Variants in KCNK13 observed in about 807,000 individuals in gnomAD.
KCNK13 encodes potassium two pore domain channel subfamily K member 13.
A neutral mutation model predicts 23.4 loss-of-function variants in KCNK13; 12 were observed. The observed-to-expected ratio is 0.51, with a 90% CI of 0.33 to 0.83. KCNK13 has a LOEUF of 0.83. Ranked by LOEUF, KCNK13 falls within the 40% of genes least tolerant of loss-of-function variation. The pLI is 0.02. For synonymous variants in KCNK13, 231 were observed against 229.5 expected, an observed-to-expected ratio of 1.01 and a Z score of -0.06; for missense variants, 463 against 556.3, an observed-to-expected ratio of 0.83 and a Z score of 1.69.
chr14:90,128,157 T>C (rs1171617061), intron 1 of KCNK13, among the ~76,000 whole-genome samples: 6 of 152,200 alleles, frequency 3.9e-5, no homozygotes, highest in Non-Finnish European at 7.3e-5. Flanking sequence ...TATCTCGTCT[T>C]TAACACTGGA....
intron 1 of KCNK13, among the ~76,000 whole-genome samples, chr14:90,069,005 T>G (rs1052260182): frequency 2.4e-4 from 36 of 150,884 alleles, no homozygotes; most frequent in African/African-American, 8.8e-4. Flanking sequence ...CGTATGTGAC[T>G]AGATTCTCAA....
intron 1 of KCNK13, among the ~76,000 whole-genome samples, chr14:90,168,438 T>G (rs1285782358): frequency 6.6e-6 from 1 of 152,050 alleles, no homozygotes; most frequent in Non-Finnish European, 1.5e-5. Context: ...TTGCTGGGTT[T>G]TGTTGGGGAA....
chr14:90,173,832 C>A (rs550859252), intron 1 of KCNK13, among the ~76,000 whole-genome samples: 13 of 152,286 alleles, frequency 8.5e-5, no homozygotes, highest in Middle Eastern at 3.4e-3. Context: ...CGTTTTCACA[C>A]TGCTATAAAG....
chr14:90,121,715 C>G (rs1223071843), intron 1 of KCNK13, among the ~76,000 whole-genome samples: 1 of 151,922 alleles, frequency 6.6e-6, no homozygotes. Context: ...TACCTTTGTG[C>G]TTTTTATTTT....
chr14:90,065,080 T>C (rs1012921105), intron 1 of KCNK13, among the ~76,000 whole-genome samples: 2 of 152,232 alleles, frequency 1.3e-5, no homozygotes, highest in East Asian at 3.8e-4. Flanking sequence ...CCACTGTTCA[T>C]GTTTTGGTCC....
intron 1 of KCNK13, among the ~76,000 whole-genome samples, chr14:90,082,067 T>C (rs542824407): frequency 6.6e-6 from 1 of 152,238 alleles, no homozygotes; most frequent in South Asian, 2.1e-4. Context: ...TAAATAAACC[T>C]GTTTTCTTTT....
intron 1 of KCNK13, among the ~76,000 whole-genome samples, chr14:90,092,136 A>G (rs1328574501): frequency 1.3e-5 from 2 of 151,954 alleles, no homozygotes; most frequent in South Asian, 2.1e-4. Flanking sequence ...GTTAGCCAGG[A>G]TGGTCTCCAT....
chr14:90,157,336 G>A (rs1422837223), intron 1 of KCNK13, among the ~76,000 whole-genome samples: 1 of 152,088 alleles, frequency 6.6e-6, no homozygotes, highest in African/African-American at 2.4e-5. Flanking sequence ...TCCCGTTAGA[G>A]TCATCCTGTC....
chr14:90,144,999 T>G (rs1003786946), intron 1 of KCNK13, among the ~76,000 whole-genome samples: 11 of 152,202 alleles, frequency 7.2e-5, no homozygotes, highest in African/African-American at 2.7e-4. Flanking sequence ...CTAAGAGTTA[T>G]CACCATGAAT....
chr14:90,113,659 A>T (rs1251118128), intron 1 of KCNK13, among the ~76,000 whole-genome samples: 2 of 152,202 alleles, frequency 1.3e-5, no homozygotes, highest in Non-Finnish European at 2.9e-5. Context: ...GAGGCCGGGC[A>T]CGGTGGCTCA....
intron 1 of KCNK13, among the ~76,000 whole-genome samples, chr14:90,125,283 G>A (rs1353069939): frequency 6.6e-6 from 1 of 151,480 alleles, no homozygotes; most frequent in African/African-American, 2.4e-5. Context: ...GAGTGCAGTG[G>A]CGTGATCTCG....
chr14:90,170,131 T>C (rs2140443014), intron 1 of KCNK13, among the ~76,000 whole-genome samples: 1 of 152,200 alleles, frequency 6.6e-6, no homozygotes, highest in South Asian at 2.1e-4. Flanking sequence ...CCCTGAGAAG[T>C]AAATCATCCA....
At position 90,185,155 on chromosome 14, in the gene KCNK13, C is replaced by G. The variant is rs1282720078; in HGVS notation, c.*152C>G. On this transcript the variant is annotated 3_prime_UTR_variant, in exon 2 of 2. Coordinates refer to ENST00000282146, the MANE Select transcript of KCNK13 (RefSeq NM_022054.4). Reference sequence around the variant, plus strand: ...CATCTTTAGAAATCTGATCTCGGCTCCAACCAACAGCCACCTTCCAGGGAT... The same window carrying G: ...CATCTTTAGAAATCTGATCTCGGCTGCAACCAACAGCCACCTTCCAGGGAT... 1.6e-6 allele frequency: 1 copy of G among 628,554 alleles called. No homozygotes were observed. 38.9% of individuals were successfully genotyped at this position (628,554 alleles called of 1,614,324 possible).
intron 1 of KCNK13, among the ~76,000 whole-genome samples, chr14:90,121,598 G>A (rs1190272781): frequency 6.6e-6 from 1 of 152,094 alleles, no homozygotes; most frequent in Non-Finnish European, 1.5e-5. Flanking sequence ...GCTCATTATA[G>A]AAAAAAGTCA....
intron 1 of KCNK13, among the ~76,000 whole-genome samples, chr14:90,131,889 T>G (rs1889879047): frequency 6.6e-6 from 1 of 152,162 alleles, no homozygotes; most frequent in Non-Finnish European, 1.5e-5. Flanking sequence ...GCCCCCAAAA[T>G]GAAACAGAGT....
At chr14:90,175,469 A>G (rs2140446150) in intron 1 of KCNK13, among the ~76,000 whole-genome samples, 1 of 152,322 alleles carries the variant, frequency 6.6e-6, no homozygotes, top group South Asian at 2.1e-4. Flanking sequence ...AAAATCAAAC[A>G]GGTTCAACAG....
intron 1 of KCNK13, chr14:90,107,967 G>C: frequency 1.4e-6 from 1 of 727,074 alleles, no homozygotes; most frequent in South Asian, 1.4e-5. Flanking sequence ...CTGCTGACGC[G>C]GCTAAAGCAG....
At chr14:90,132,477 G>A (rs1889885887) in intron 1 of KCNK13, among the ~76,000 whole-genome samples, 1 of 123,628 alleles carries the variant, frequency 8.1e-6, no homozygotes, top group African/African-American at 2.8e-5. Context: ...CTAGGAGGCA[G>A]AGGTTGCAGT....
At chr14:90,173,212 C>T (rs1299947396) in intron 1 of KCNK13, among the ~76,000 whole-genome samples, 3 of 152,152 alleles carry the variant, frequency 2.0e-5, no homozygotes, top group Admixed American at 2.0e-4. Context: ...GAAGAATATA[C>T]TAGGTGTGGT....
Sources: allele counts gnomAD v4.1 joint callset (sites outside exome capture counted in the v4.1 genomes callset), GRCh38; gene constraint gnomAD v4.1.1; transcripts MANE v1.5; gene names NCBI Gene and HGNC (gene_info 2026-07-23, HGNC 2026-07-21).